Variants in PAK3 observed in about 807,000 individuals in gnomAD.
The protein encoded by PAK3 is serine/threonine-protein kinase PAK 3.
PAK3 carries 4 observed loss-of-function variants against 41.0 expected under a neutral mutation model. That is an observed-to-expected ratio of 0.10 (90% CI 0.05 to 0.22). The LOEUF is 0.22. Among genes scored for constraint, PAK3 ranks in the 10% least tolerant of loss-of-function variants. The pLI is 1.00. For missense variants in PAK3, 205 were observed against 409.9 expected, an observed-to-expected ratio of 0.50 and a Z score of 4.32; for synonymous variants, 146 against 139.6, an observed-to-expected ratio of 1.05 and a Z score of -0.32.
intron 1 of PAK3, among the ~76,000 whole-genome samples, chrX:111,051,516 T>C (rs73539022): frequency 0.013 from 1,434 of 111,907 alleles, 32 homozygotes; most frequent in African/African-American, 0.044. Context: ...GTCTTCCATA[T>C]TGAACATTTC....
chrX:110,988,231 A>C (rs2091582075), intron 1 of PAK3, among the ~76,000 whole-genome samples: 2 of 111,784 alleles, frequency 1.8e-5, no homozygotes, highest in Admixed American at 1.9e-4. Context: ...CGGTATTCTG[A>C]TGTGGGTCCA....
At chrX:111,162,589 A>AT (rs1311665324) in intron 8 of PAK3, among the ~76,000 whole-genome samples, 18 of 112,248 alleles carry the variant, frequency 1.6e-4, no homozygotes, top group African/African-American at 5.8e-4. Context: ...AATTAGTTTG[A>AT]TTTTTAATGT....
intron 1 of PAK3, among the ~76,000 whole-genome samples, chrX:111,051,686 C>T (rs142614828): frequency 3.4e-3 from 140 of 41,261 alleles, no homozygotes; most frequent in African/African-American, 7.8e-3. Context: ...CGTGTGTTAC[C>T]GTGTGTGTGT....
chrX:111,173,851 T>A (rs2094374878), intron 11 of PAK3, among the ~76,000 whole-genome samples: 1 of 111,581 alleles, frequency 9.0e-6, no homozygotes, highest in Non-Finnish European at 1.9e-5. Context: ...GGCAGGTGGA[T>A]CTGAGCAGGC....
intron 8 of PAK3, among the ~76,000 whole-genome samples, chrX:111,160,895 T>C: frequency 8.9e-6 from 1 of 112,710 alleles, no homozygotes; most frequent in Non-Finnish European, 1.9e-5. Context: ...TTCCAAGTCT[T>C]TGCTATTGTG....
chrX:111,099,932 A>G (rs1206065680), intron 3 of PAK3, among the ~76,000 whole-genome samples: 1 of 108,803 alleles, frequency 9.2e-6, no homozygotes, highest in Non-Finnish European at 1.9e-5. Flanking sequence ...CAGAAAAATT[A>G]CCCCTTCTTT....
intron 1 of PAK3, among the ~76,000 whole-genome samples, chrX:111,090,408 A>G (rs1487198768): frequency 9.0e-6 from 1 of 111,658 alleles, no homozygotes; most frequent in African/African-American, 3.3e-5. Flanking sequence ...GAGGGTAGAT[A>G]TGGAACTCTT....
chrX:111,051,681 G>A, intron 1 of PAK3, among the ~76,000 whole-genome samples: 1 of 61,406 alleles, frequency 1.6e-5, no homozygotes. Flanking sequence ...AACAACGTGT[G>A]TTACCGTGTG....
At chrX:111,121,699 G>A (rs2093573017) in intron 4 of PAK3, among the ~76,000 whole-genome samples, 1 of 111,550 alleles carries the variant, frequency 9.0e-6, no homozygotes, top group Non-Finnish European at 1.9e-5. Flanking sequence ...ATTAGTACCA[G>A]GTAATACTTG....
intron 3 of PAK3, among the ~76,000 whole-genome samples, chrX:111,101,599 C>A (rs1454370726): frequency 4.5e-5 from 5 of 112,130 alleles, no homozygotes; most frequent in Non-Finnish European, 9.4e-5. Flanking sequence ...TGTCTGCCCT[C>A]ATCCCCAGAG....
At chrX:111,167,339 A>C (rs1050338499) in intron 10 of PAK3, among the ~76,000 whole-genome samples, 8 of 110,963 alleles carry the variant, frequency 7.2e-5, no homozygotes, top group Non-Finnish European at 1.5e-4. Context: ...AAGATGGCCA[A>C]TATCCCATAC....
chrX:111,032,490 G>A (rs1306054117), intron 1 of PAK3, among the ~76,000 whole-genome samples: 1 of 111,698 alleles, frequency 9.0e-6, no homozygotes, highest in African/African-American at 3.3e-5. Flanking sequence ...CAGAAATTGC[G>A]ATTTGGGTAG....
chrX:111,177,656 AGT>A (rs1403602653), intron 11 of PAK3, among the ~76,000 whole-genome samples: 1 of 112,178 alleles, frequency 8.9e-6, no homozygotes, highest in Non-Finnish European at 1.9e-5. Context: ...TTTCTAGAAT[AGT>A]TATATAAAAT....
chrX:111,074,026 A>G (rs922179429), intron 1 of PAK3, among the ~76,000 whole-genome samples: 19 of 112,414 alleles, frequency 1.7e-4, no homozygotes, highest in Non-Finnish European at 3.6e-4. Context: ...AAAAGGATTT[A>G]TCTCTGGGGT....
intron 1 of PAK3, among the ~76,000 whole-genome samples, chrX:111,054,233 C>T (rs770359951): frequency 3.6e-4 from 40 of 112,307 alleles, no homozygotes; most frequent in African/African-American, 9.7e-4. Flanking sequence ...GCAGCTTATA[C>T]GGCTGTTTTG....
At chrX:110,971,795 T>A (rs932128869) in intron 1 of PAK3, among the ~76,000 whole-genome samples, 2 of 112,323 alleles carry the variant, frequency 1.8e-5, no homozygotes, top group East Asian at 2.8e-4. Context: ...CTTCTAAAAA[T>A]TTTCTAGTTT....
intron 1 of PAK3, among the ~76,000 whole-genome samples, chrX:110,989,299 A>C (rs1276897784): frequency 1.8e-5 from 2 of 112,148 alleles, no homozygotes; most frequent in Admixed American, 9.5e-5. Context: ...TATTTTCCTG[A>C]TGGTACTTAT....
chrX:111,161,453 A>G (rs1232394470), intron 8 of PAK3, among the ~76,000 whole-genome samples: 7 of 110,990 alleles, frequency 6.3e-5, no homozygotes, highest in Non-Finnish European at 1.3e-4. Flanking sequence ...TTTGCTGTGC[A>G]GAAGCTCTTT....
At chrX:111,202,465 G>T (rs763113155) in intron 16 of PAK3, among the ~76,000 whole-genome samples, 1 of 111,329 alleles carries the variant, frequency 9.0e-6, no homozygotes, top group Non-Finnish European at 1.9e-5. Flanking sequence ...TTTTAGTGCA[G>T]CCTCCAATAA....
Sources: gnomAD v4.1 joint callset for allele counts (sites outside exome capture counted in the v4.1 genomes callset) on GRCh38, gnomAD v4.1.1 for gene constraint, MANE v1.5 for transcripts, NCBI Gene and HGNC (gene_info 2026-07-23, HGNC 2026-07-21) for gene names.